Variants in DPCD observed in about 807,000 individuals in gnomAD.
DPCD encodes deleted in primary ciliary dyskinesia homolog (mouse).
In DPCD, 20 loss-of-function variants were observed where a neutral mutation model predicts 26.4. That is an observed-to-expected ratio of 0.76 (90% CI 0.53 to 1.10). The LOEUF (loss-of-function observed/expected upper bound fraction) is 1.10. DPCD is among the 50% of genes least tolerant of loss of function. The probability of loss-of-function intolerance (pLI) is 0.00; values close to 1 mark genes in which losing one functional copy is unlikely to be tolerated. For missense variants in DPCD, 202 were observed against 253.9 expected, an observed-to-expected ratio of 0.80 and a Z score of 1.39; for synonymous variants, 97 against 94.2, an observed-to-expected ratio of 1.03 and a Z score of -0.17.
At chr10:101,604,705 T>C (rs1230039238) in intron 4 of DPCD, among the ~76,000 whole-genome samples, 1 of 152,242 alleles carries the variant, frequency 6.6e-6, no homozygotes. Flanking sequence ...AGTTGTTGGG[T>C]TAAATCTGGC....
intron 2 of DPCD, 35 bp downstream of exon 2, chr10:101,594,773 A>G (rs2063638359): frequency 1.9e-6 from 3 of 1,595,690 alleles, no homozygotes; most frequent in Non-Finnish European, 2.6e-6. Flanking sequence ...GCCTTTAGTA[A>G]TACTTGGGGC....
At chr10:101,602,981 G>C (rs375646662) in intron 4 of DPCD, among the ~76,000 whole-genome samples, 3 of 152,404 alleles carry the variant, frequency 2.0e-5, no homozygotes, top group South Asian at 4.1e-4. Context: ...CTGTTGGCCA[G>C]GAGCTCCATG....
At chr10:101,594,617 G>A (rs977686780) in intron 1 of DPCD, 41 bp from the exon 2 acceptor site, 3 of 1,601,106 alleles carry the variant, frequency 1.9e-6, no homozygotes, top group Non-Finnish European at 2.6e-6. Context: ...GACAGGGCAA[G>A]GGGAGACTTT....
intron 2 of DPCD, chr10:101,596,519 C>A (rs796589981): frequency 5.9e-5 from 9 of 152,294 alleles, no homozygotes; most frequent in African/African-American, 2.2e-4. Context: ...CTTTAGTCCT[C>A]AACAACATAG....
In DPCD at chr10:101,609,503, G is replaced by T; in HGVS notation, c.*32G>T. ...CCTGAGCCTTATACCTCCACCACAG[G>T]GGGTGCCGTGAGACTTCAAGGCTTG... On this transcript the variant is annotated 3_prime_UTR_variant, in exon 6 of 6. Transcript: ENST00000370151. 3 of 1,599,118 alleles carry T rather than the reference G, an allele frequency of 1.9e-6. No individual in the cohort carries two copies. Among genetic ancestry groups the T allele is most frequent in the South Asian group, 2.2e-5 (2 of 89,700 alleles).
intron 2 of DPCD, among the ~76,000 whole-genome samples, chr10:101,597,037 A>G (rs574323032): frequency 6.6e-6 from 1 of 152,134 alleles, no homozygotes; most frequent in South Asian, 2.1e-4. Flanking sequence ...ACCCCCCACA[A>G]TGATTGCTGC....
chr10:101,601,197 C>T lies in DPCD; in HGVS notation c.271-6C>T. The T allele has an allele frequency of 6.2e-7, 1 of 1,613,774 alleles. No homozygotes were observed. The highest frequency in any genetic ancestry group is 8.5e-7 in the Non-Finnish European group (1 of 1,179,938). ...ACAGTCCTCGAGTTGGATTTGCCTT[C>T]TGCAGCCTATCTTCATGCGCAAGGA... On this transcript the variant is annotated splice_region_variant and splice_polypyrimidine_tract_variant and intron_variant, in intron 3 of 5. Transcript: ENST00000370151.
intron 1 of DPCD, among the ~76,000 whole-genome samples, chr10:101,591,972 C>T (rs776671764): frequency 3.3e-5 from 5 of 152,064 alleles, no homozygotes; most frequent in Non-Finnish European, 5.9e-5. Flanking sequence ...AGGCGTGAGC[C>T]GCCTCGCCCA....
At chr10:101,589,573 T>G (rs2063565642) in intron 1 of DPCD, among the ~76,000 whole-genome samples, 1 of 151,864 alleles carries the variant, frequency 6.6e-6, no homozygotes, top group African/African-American at 2.4e-5. Context: ...CCAAACCTCA[T>G]CTCTACAAAA....
At chr10:101,599,519 C>T (rs1211390814) in intron 2 of DPCD, among the ~76,000 whole-genome samples, 1 of 152,166 alleles carries the variant, frequency 6.6e-6, no homozygotes, top group African/African-American at 2.4e-5. Context: ...TGCAGCAGAC[C>T]TTATAAAAGC....
At chr10:101,595,458 A>AATAAAGAGAC (rs2063643960) in intron 2 of DPCD, among the ~76,000 whole-genome samples, 4 of 152,180 alleles carry the variant, frequency 2.6e-5, no homozygotes, top group African/African-American at 7.2e-5. Context: ...TGGTCTCTTT[A>AATAAAGAGAC]TTAAGTTCCA....
In DPCD at chr10:101,603,641, C is replaced by T. The variant is rs1181251668; in HGVS notation, c.404+2305C>T. Among the ~76,000 whole-genome samples, 2 of 151,862 alleles carry T rather than the reference C, an allele frequency of 1.3e-5. No individual in the cohort carries two copies. The highest frequency in any genetic ancestry group is 4.8e-5 in the African/African-American group (2 of 41,316). On this transcript the variant is annotated intron_variant, in intron 4 of 5. Transcript: ENST00000370151. This position sits in a 1 kb window ranked among gnomAD's most constrained non-coding sequence, Gnocchi z 4.6. The stretch of plus-strand genomic sequence containing the variant: ...GCGTGGTGGTGCATGCCTGTAGTCC[C>T]AGCTACTCGGGAGGCTGAGGAAGGA...
In DPCD at chr10:101,609,661, C is replaced by T; in HGVS notation, c.*190C>T. The T allele has an allele frequency of 1.7e-6, 1 of 587,958 alleles. No individual in the cohort carries two copies. The highest frequency in any genetic ancestry group is 3.0e-6 in the Non-Finnish European group (1 of 332,854). 36.4% of individuals were successfully genotyped at this position (587,958 alleles called of 1,614,324 possible). A position where few individuals can be genotyped will look rare whatever the true frequency, so the allele number is the denominator to read the frequency against. On this transcript the variant is annotated 3_prime_UTR_variant, in exon 6 of 6. Coordinates refer to ENST00000370151, the MANE Select transcript of DPCD (RefSeq NM_015448.3). The stretch of plus-strand genomic sequence containing the variant: ...TAAAGTCATTCTGAGTTACTTACTG[C>T]ACAGGGACTGCCCTCTTGTTCCCCT...
intron 4 of DPCD, among the ~76,000 whole-genome samples, chr10:101,604,589 T>C: frequency 6.6e-6 from 1 of 152,206 alleles, no homozygotes; most frequent in East Asian, 1.9e-4. Context: ...AGGATCCCAG[T>C]GTTGGACCAT....
intron 2 of DPCD, among the ~76,000 whole-genome samples, chr10:101,599,227 A>G (rs1214580082): frequency 6.6e-6 from 1 of 152,200 alleles, no homozygotes; most frequent in Non-Finnish European, 1.5e-5. Flanking sequence ...TTTCACAATA[A>G]GCTGCTGCTC....
At chr10:101,607,894 A>C (rs762658752) in intron 4 of DPCD, among the ~76,000 whole-genome samples, 2 of 152,224 alleles carry the variant, frequency 1.3e-5, no homozygotes, top group Non-Finnish European at 2.9e-5. Context: ...TGAGGAGGCC[A>C]TTCATTGTGC....
At chr10:101,597,551 C>A (rs1469680535) in intron 2 of DPCD, among the ~76,000 whole-genome samples, 1 of 152,202 alleles carries the variant, frequency 6.6e-6, no homozygotes, top group Non-Finnish European at 1.5e-5. Flanking sequence ...TCTGGGACAT[C>A]AGCCTGCTTC....
intron 2 of DPCD, among the ~76,000 whole-genome samples, chr10:101,599,124 C>T (rs1378314133): frequency 6.6e-6 from 1 of 152,184 alleles, no homozygotes; most frequent in Non-Finnish European, 1.5e-5. Flanking sequence ...AAAGTAATTT[C>T]CTGCCTTATT....
chr10:101,588,684 C>T, intron 1 of DPCD: 1 of 1,211,562 alleles, frequency 8.3e-7, no homozygotes, highest in Non-Finnish European at 1.0e-6. Flanking sequence ...TGCTCCTCAC[C>T]ACTGTCCTGA....
Sources: allele counts gnomAD v4.1 joint callset (sites outside exome capture counted in the v4.1 genomes callset), GRCh38; gene constraint gnomAD v4.1.1; non-coding constraint Gnocchi (gnomAD v3.1); transcripts MANE v1.5; gene names NCBI Gene and HGNC (gene_info 2026-07-23, HGNC 2026-07-21).